The following CTNNA3 variants were observed in gnomAD, a reference collection of about 807,000 sequenced individuals.
The protein encoded by CTNNA3 is catenin alpha-3.
In CTNNA3, 76 loss-of-function variants were observed where a neutral mutation model predicts 95.7. The ratio of observed to expected loss-of-function variants is 0.79; its 90% CI spans 0.66 to 0.96. The LOEUF (loss-of-function observed/expected upper bound fraction) is 0.96, where lower values mean the gene tolerates loss of function less well. Among genes scored for constraint, CTNNA3 ranks in the 40% least tolerant of loss-of-function variants. The pLI is 0.00. For synonymous variants in CTNNA3, 431 were observed against 374.4 expected (o/e 1.15, Z -1.74); for missense variants, 1,191 against 1,089.8 (o/e 1.09, Z -1.31).
chr10:66,064,528 T>G (rs1019024753), intron 15 of CTNNA3, among the ~76,000 whole-genome samples: 4 of 152,198 alleles, frequency 2.6e-5, no homozygotes, highest in African/African-American at 9.7e-5. Flanking sequence ...CTCTATTTCT[T>G]AAAGATGGCC....
chr10:67,256,160 A>G (rs1866341107), intron 5 of CTNNA3, among the ~76,000 whole-genome samples: 1 of 152,210 alleles, frequency 6.6e-6, no homozygotes, highest in Non-Finnish European at 1.5e-5. Context: ...TAAGACAATT[A>G]GCTAAACCAT....
chr10:66,184,930 G>T (rs945300191), intron 13 of CTNNA3, among the ~76,000 whole-genome samples: 2 of 152,102 alleles, frequency 1.3e-5, no homozygotes, highest in Admixed American at 1.3e-4. Flanking sequence ...CTGATGTGCA[G>T]AACAACACTG....
chr10:67,727,112 T>G (rs1589582686), intron 1 of CTNNA3, among the ~76,000 whole-genome samples: 1 of 121,610 alleles, frequency 8.2e-6, no homozygotes, highest in South Asian at 2.4e-4. Flanking sequence ...ATATGATACA[T>G]ATATGATATA....
At chr10:66,499,423 A>G (rs74141525) in intron 11 of CTNNA3, among the ~76,000 whole-genome samples, 2,459 of 152,250 alleles carry the variant, frequency 0.016, 76 homozygotes, top group African/African-American at 0.056. Flanking sequence ...AGATGGAAAA[A>G]CTTAGAATTA....
chr10:66,924,988 C>A (rs1846989047), intron 7 of CTNNA3, among the ~76,000 whole-genome samples: 1 of 152,098 alleles, frequency 6.6e-6, no homozygotes, highest in South Asian at 2.1e-4. Flanking sequence ...GAACCTCAGA[C>A]CAAAAGAAAT....
chr10:67,123,314 A>T (rs1002873590), intron 7 of CTNNA3, among the ~76,000 whole-genome samples: 1 of 152,114 alleles, frequency 6.6e-6, no homozygotes, highest in Non-Finnish European at 1.5e-5. Context: ...TGCTTGATGT[A>T]TGCTAGTCCT....
chr10:67,372,721 A>G (rs1200924922), intron 5 of CTNNA3, among the ~76,000 whole-genome samples: 1 of 152,236 alleles, frequency 6.6e-6, no homozygotes, highest in Non-Finnish European at 1.5e-5. Flanking sequence ...AAGGGCAGCC[A>G]GAGAGAAAGG....
intron 7 of CTNNA3, among the ~76,000 whole-genome samples, chr10:67,038,430 A>T (rs1454554961): frequency 6.6e-6 from 1 of 152,100 alleles, no homozygotes; most frequent in Non-Finnish European, 1.5e-5. Context: ...CTATAAGAAG[A>T]TGAAAATATA....
At chr10:66,522,767 A>G (rs1841112403) in intron 10 of CTNNA3, among the ~76,000 whole-genome samples, 1 of 150,976 alleles carries the variant, frequency 6.6e-6, no homozygotes, top group Non-Finnish European at 1.5e-5. Context: ...GATCCTGTCC[A>G]CGCACGTTAT....
At chr10:67,712,834 G>A (rs1466594523) in intron 1 of CTNNA3, among the ~76,000 whole-genome samples, 1 of 151,960 alleles carries the variant, frequency 6.6e-6, no homozygotes, top group Non-Finnish European at 1.5e-5. Context: ...AAAAATCCTA[G>A]AAAAAAACCT....
At chr10:66,551,124 A>G (rs1032112787) in intron 10 of CTNNA3, among the ~76,000 whole-genome samples, 3 of 152,162 alleles carry the variant, frequency 2.0e-5, no homozygotes, top group Non-Finnish European at 4.4e-5. Flanking sequence ...CTTTGGCATC[A>G]TTCCCTTTCC....
At chr10:66,780,284 T>C (rs985421159) in intron 7 of CTNNA3, among the ~76,000 whole-genome samples, 1 of 151,920 alleles carries the variant, frequency 6.6e-6, no homozygotes, top group Non-Finnish European at 1.5e-5. Context: ...TTTGAGGAGA[T>C]GACAAGCAGA....
At chr10:66,585,673 A>AT (rs1157178982) in intron 10 of CTNNA3, among the ~76,000 whole-genome samples, 5 of 151,834 alleles carry the variant, frequency 3.3e-5, no homozygotes, top group Non-Finnish European at 7.4e-5. Context: ...TTTATCTGGT[A>AT]TTTTATGTTG....
chr10:67,352,356 C>G (rs1589202387), intron 5 of CTNNA3, among the ~76,000 whole-genome samples: 2 of 151,922 alleles, frequency 1.3e-5, no homozygotes, highest in African/African-American at 4.8e-5. Context: ...AAACACTGAG[C>G]AAGGCATACC....
At chr10:66,963,059 A>G (rs765637387) in intron 7 of CTNNA3, among the ~76,000 whole-genome samples, 10 of 152,202 alleles carry the variant, frequency 6.6e-5, no homozygotes, top group Non-Finnish European at 1.5e-4. Context: ...AGACTCACAC[A>G]TACTTCTACT....
intron 7 of CTNNA3, among the ~76,000 whole-genome samples, chr10:67,120,095 C>A (rs904465362): frequency 6.6e-6 from 1 of 151,822 alleles, no homozygotes; most frequent in South Asian, 2.1e-4. Flanking sequence ...GAATTTTGTG[C>A]TGAATTACAA....
At chr10:66,168,300 T>C (rs1380451566) in intron 13 of CTNNA3, among the ~76,000 whole-genome samples, 1 of 152,136 alleles carries the variant, frequency 6.6e-6, no homozygotes, top group South Asian at 2.1e-4. Context: ...AATGCCACCG[T>C]TTCTAGTAGG....
chr10:67,681,463 T>C (rs187694849), intron 1 of CTNNA3, among the ~76,000 whole-genome samples: 13 of 152,012 alleles, frequency 8.6e-5, no homozygotes, highest in African/African-American at 2.9e-4. Flanking sequence ...TGAATAAACA[T>C]TTAGGAGAAA....
At chr10:66,920,920 C>T (rs1200666525) in intron 7 of CTNNA3, among the ~76,000 whole-genome samples, 1 of 152,180 alleles carries the variant, frequency 6.6e-6, no homozygotes, top group African/African-American at 2.4e-5. Context: ...CCACTGCTAA[C>T]ACCCTGGCCC....
Sources: allele counts gnomAD v4.1 joint callset (sites outside exome capture counted in the v4.1 genomes callset), GRCh38; gene constraint gnomAD v4.1.1; transcripts MANE v1.5; gene names NCBI Gene and HGNC (gene_info 2026-07-23, HGNC 2026-07-21).